The following CDC25A variants were observed in gnomAD, a reference collection of about 807,000 sequenced individuals.
CDC25A encodes M-phase inducer phosphatase 1.
A neutral mutation model predicts 64.6 loss-of-function variants in CDC25A; 17 were observed. The ratio of observed to expected loss-of-function variants is 0.26; its 90% CI spans 0.18 to 0.39. The LOEUF is 0.39. CDC25A is among the 10% of genes least tolerant of loss of function. The pLI is 1.00. For missense variants in CDC25A, 473 were observed against 654.8 expected (o/e 0.72, Z 3.03); for synonymous variants, 229 against 238.6 (o/e 0.96, Z 0.37).
rs370946462 is a variant in CDC25A, at chr3:48,183,815, T to C, written c.312A>G (p.Arg104=). 3.2e-5 allele frequency: 50 copies of C among 1,583,996 alleles called. No individual in the cohort carries two copies. Among genetic ancestry groups the C allele is most frequent in the Non-Finnish European group, 4.0e-5 (46 of 1,153,278 alleles). The change falls in exon 4 of 15, where the codon AGA becomes AGG. Residue 104 remains arginine, a synonymous_variant. Coordinates refer to ENST00000302506, the MANE Select transcript of CDC25A (RefSeq NM_001789.3). ...SKENLENPMR[R]IHSLPQKLLG... ...ACTAACTTACAGGTAGGGAATGTAT[T>C]CTTCTCATAGGATTTTCAAGGCTGT...
intron 6 of CDC25A, among the ~76,000 whole-genome samples, chr3:48,179,149 C>T (rs1417087448): frequency 6.6e-6 from 1 of 152,120 alleles, no homozygotes; most frequent in African/African-American, 2.4e-5. Context: ...TAGTCCTCCC[C>T]AAGTGCACAC....
chr3:48,169,995 C>T (rs1387830766), intron 9 of CDC25A, among the ~76,000 whole-genome samples: 1 of 150,450 alleles, frequency 6.6e-6, no homozygotes, highest in African/African-American at 2.5e-5. Context: ...GGCGACAGAG[C>T]GAGACTTGGT....
chr3:48,158,627 A>G lies in CDC25A; in HGVS notation c.*318T>C. ...CCCCTCCGTCTCCTCTCCCCTCATG[A>G]GATGGCTGGAGCCCGATAAGGCCCC... is the stretch of plus-strand genomic sequence containing the variant. On this transcript the variant is annotated 3_prime_UTR_variant, in exon 15 of 15. Coordinates refer to ENST00000302506, the MANE Select transcript of CDC25A (RefSeq NM_001789.3). 1 of 246,180 alleles carries G rather than the reference A, an allele frequency of 4.1e-6. No homozygotes were observed. The allele number at this position is 246,180 out of a possible 1,614,324, so 15.2% of individuals were successfully genotyped here.
chr3:48,177,388 T>G lies in CDC25A; in HGVS notation c.739A>C (p.Met247Leu). 6.2e-7 allele frequency: 1 copy of G among 1,613,950 alleles called. No homozygotes were observed. Among genetic ancestry groups the G allele is most frequent in the Non-Finnish European group, 8.5e-7 (1 of 1,179,800 alleles). Residue 247 changes from methionine (M) to leucine (L), a missense_variant, in exon 8 of 15, where the codon ATG (methionine) becomes CTG (leucine). This residue lies in a region of CDC25A where 376 missense variants were observed against 431.9 expected (regional missense o/e 0.87). Transcript: ENST00000302506. The stretch of plus-strand genomic sequence containing the variant: ...CAACTCACAAGGTTTGTAGTTCTCA[T>G]GACGAGAGGAGCTGTCCAGAGGCTT... ...MASLWTAPLV[M>L]RTTNLDNRCK...
At position 48,167,924 on chromosome 3, in the gene CDC25A, G is replaced by A. The variant is rs747526743; in HGVS notation, c.951C>T (p.Ser317=). 6.2e-6 allele frequency: 10 copies of A among 1,605,554 alleles called. No individual in the cohort carries two copies. In the South Asian group the frequency reaches 7.7e-5, roughly 12 times the overall value. ...TGGTTCCTTTGGGGGAAGATGCCAGGGATAAAGACTGATGAAGAGTCTGTA... is the reference window on the plus strand; with the variant it reads ...TGGTTCCTTTGGGGGAAGATGCCAGAGATAAAGACTGATGAAGAGTCTGTA... The part of the protein sequence containing the change: ...KAHETLHQSL[S]LASSPKGTIE... Residue 317 remains serine, a synonymous_variant, in exon 10 of 15, where the codon TCC becomes TCT. Coordinates refer to ENST00000302506, the MANE Select transcript of CDC25A (RefSeq NM_001789.3).
chr3:48,182,841 C>A, intron 5 of CDC25A, 88 bp downstream of exon 5: 1 of 848,354 alleles, frequency 1.2e-6, no homozygotes, highest in Non-Finnish European at 2.0e-6. Flanking sequence ...AGTTTAGTCT[C>A]CCAGAAAGCA....
chr3:48,169,188 G>A lies in CDC25A; in HGVS notation c.931-1244C>T, dbSNP rs3731536. Among the ~76,000 whole-genome samples the A allele has an allele frequency of 3.8e-3, 583 of 152,238 alleles. 4 individuals carry two copies. The highest frequency in any genetic ancestry group is 5.2e-3 in the Non-Finnish European group (356 of 68,028). On this transcript the variant is annotated intron_variant, in intron 9 of 14. Coordinates refer to ENST00000302506, the MANE Select transcript of CDC25A (RefSeq NM_001789.3). ...CCAATATTCATCCTGCCTTTCCCAAGGGTAACCACAGTGTTTGATGAGTGT... is the reference window on the plus strand; with the variant it reads ...CCAATATTCATCCTGCCTTTCCCAAAGGTAACCACAGTGTTTGATGAGTGT...
chr3:48,168,823 T>C (rs527695991), intron 9 of CDC25A, among the ~76,000 whole-genome samples: 18 of 151,956 alleles, frequency 1.2e-4, no homozygotes, highest in Admixed American at 1.1e-3. Context: ...CAGCTAATTT[T>C]TGTATTTTTA....
At position 48,187,932 on chromosome 3, in the gene CDC25A, C is replaced by G. The variant is rs2032909152; in HGVS notation, c.16G>C (p.Glu6Gln). The change falls in exon 1 of 15, where the codon GAG becomes CAG. Residue 6 changes from glutamate (E) to glutamine (Q), a missense_variant. Coordinates refer to ENST00000302506, the MANE Select transcript of CDC25A (RefSeq NM_001789.3). MELGP[E>Q]PPHRRRLLFA... is the part of the protein sequence containing the mutation. ...AGCAGGCGGCGGCGGTGCGGGGGCT[C>G]CGGGCCCAGTTCCATGGCGGCGCCC... is the stretch of plus-strand genomic sequence containing the variant. 2 of 1,521,370 alleles carry G rather than the reference C, an allele frequency of 1.3e-6. No individual in the cohort carries two copies. The highest frequency in any genetic ancestry group is 5.2e-5 in the East Asian group (2 of 38,116). The allele number at this position is 1,521,370 out of a possible 1,614,324, so 94.2% of individuals were successfully genotyped here.
rs751953297 is a variant in CDC25A, at chr3:48,159,371, T to A, written c.1407A>T (p.Gly469=). 6.2e-7 allele frequency: 1 copy of A among 1,613,504 alleles called. No homozygotes were observed. Among genetic ancestry groups the A allele is most frequent in the Non-Finnish European group, 8.5e-7 (1 of 1,179,602 alleles). ...HYPELYVLKG[G]YKEFFMKCQS... ...GGCATTTCATAAAGAACTCCTTGTA[T>A]CCCCCCTTCAGGACATACAGCTCAG... is the stretch of plus-strand genomic sequence containing the variant. Residue 469 remains glycine, a synonymous_variant, in exon 14 of 15, where the codon GGA becomes GGT. Transcript: ENST00000302506.
Position 48,186,737 on chromosome 3 carries a change from C to T in CDC25A, c.213G>A (p.Leu71=), listed in dbSNP as rs1417289397. The change falls in exon 2 of 15, where the codon CTG becomes CTA. Residue 71 remains leucine (L), a synonymous_variant. Coordinates refer to ENST00000302506, the MANE Select transcript of CDC25A (RefSeq NM_001789.3). The stretch of plus-strand genomic sequence containing the variant: ...TTGACTCGGAGGAGCCCATTCTCTG[C>T]AGATTACTGTTGTTCTTCACCTCCA... The part of the protein sequence containing the change: ...QPLEVKNNSN[L]QRMGSSESTD... The T allele has an allele frequency of 1.2e-6, 2 of 1,602,932 alleles. No individual in the cohort carries two copies. Among genetic ancestry groups the T allele is most frequent in the African/African-American group, 2.7e-5 (2 of 74,932 alleles).
chr3:48,176,769 G>A (rs1399923683), intron 8 of CDC25A, among the ~76,000 whole-genome samples: 2 of 151,446 alleles, frequency 1.3e-5, no homozygotes, highest in African/African-American at 2.4e-5. Context: ...TCAGGAGATC[G>A]AGACTAGCCT....
chr3:48,158,819 AT>A lies in CDC25A; in HGVS notation c.*125del. On this transcript the variant is annotated 3_prime_UTR_variant, in exon 15 of 15. Coordinates refer to ENST00000302506, the MANE Select transcript of CDC25A (RefSeq NM_001789.3). Reference sequence around the variant, plus strand: ...GGAGTGTGGGAGGTAGGTTTAAGGCATGGAAGTCCCAGGCCCCCTCTCCAAA... The same window carrying A: ...GGAGTGTGGGAGGTAGGTTTAAGGCAGGAAGTCCCAGGCCCCCTCTCCAAA... The A allele has an allele frequency of 8.4e-7, 1 of 1,195,574 alleles. No individual in the cohort carries two copies. Among genetic ancestry groups the A allele is most frequent in the Non-Finnish European group, 1.2e-6 (1 of 848,334 alleles). The allele number at this position is 1,195,574 out of a possible 1,614,324, so 74.1% of individuals were successfully genotyped here.
intron 9 of CDC25A, among the ~76,000 whole-genome samples, chr3:48,171,456 C>T (rs1345715591): frequency 6.6e-6 from 1 of 150,462 alleles, no homozygotes; most frequent in Non-Finnish European, 1.5e-5. Flanking sequence ...TCTCTGCTCA[C>T]TGCAACCTCC....
At chr3:48,180,980 C>T (rs1384050982) in intron 5 of CDC25A, 140 bp from the exon 6 acceptor site, 9 of 684,930 alleles carry the variant, frequency 1.3e-5, no homozygotes, top group South Asian at 1.1e-4. Flanking sequence ...AATAGATCTG[C>T]GTAACTAAGA....
chr3:48,183,088 T>C, intron 4 of CDC25A, 58 bp from the exon 5 acceptor site: 4 of 1,286,904 alleles, frequency 3.1e-6, no homozygotes, highest in Non-Finnish European at 4.5e-6. Flanking sequence ...CAGTGGAAAA[T>C]TCAGTTCTCA....
At chr3:48,177,724 A>T in intron 7 of CDC25A, 130 bp downstream of exon 7, 2 of 1,067,368 alleles carry the variant, frequency 1.9e-6, no homozygotes, top group Non-Finnish European at 2.8e-6. Flanking sequence ...AATTATCACC[A>T]AATGAACAAA....
At chr3:48,167,646 T>C (rs1575262406) in intron 10 of CDC25A, among the ~76,000 whole-genome samples, 200 bp downstream of exon 10, 1 of 152,350 alleles carries the variant, frequency 6.6e-6, no homozygotes, top group Non-Finnish European at 1.5e-5. Flanking sequence ...CCATCAGCTA[T>C]AGTGATATCT....
intron 9 of CDC25A, among the ~76,000 whole-genome samples, 165 bp from the exon 10 acceptor site, chr3:48,168,109 G>A (rs1315373869): frequency 6.6e-6 from 1 of 150,498 alleles, no homozygotes; most frequent in East Asian, 2.0e-4. Context: ...ACAGATGTGG[G>A]TTATTGACTA....
Sources: allele counts gnomAD v4.1 joint callset (sites outside exome capture counted in the v4.1 genomes callset), GRCh38; gene constraint gnomAD v4.1.1; regional missense constraint gnomAD v4.1.1; transcripts MANE v1.5; gene names NCBI Gene and HGNC (gene_info 2026-07-23, HGNC 2026-07-21).